LUZP2: variants seen among roughly 807,000 people sequenced by gnomAD.
LUZP2 encodes leucine zipper protein 2.
In LUZP2, 52 loss-of-function variants were observed where a neutral mutation model predicts 51.6. That is an observed-to-expected ratio of 1.01 (90% CI 0.81 to 1.27). The LOEUF (loss-of-function observed/expected upper bound fraction) is 1.27, where lower values mean the gene tolerates loss of function less well. LUZP2 is among the 50% of genes most tolerant of loss of function. LUZP2 has a pLI of 0.00. For missense variants in LUZP2, 436 were observed against 395.4 expected (o/e 1.10, Z -0.87); for synonymous variants, 154 against 137.3 (o/e 1.12, Z -0.85).
intron 5 of LUZP2, among the ~76,000 whole-genome samples, chr11:24,838,302 A>G (rs1850917146): frequency 6.6e-6 from 1 of 151,678 alleles, no homozygotes; most frequent in African/African-American, 2.4e-5. Flanking sequence ...AAATATTCAT[A>G]TACATTCTCT....
chr11:24,754,723 C>T (rs943515649), intron 4 of LUZP2, among the ~76,000 whole-genome samples: 1 of 152,116 alleles, frequency 6.6e-6, no homozygotes, highest in Admixed American at 6.5e-5. Flanking sequence ...TGGCTTTTAT[C>T]CACCCCACCA....
At chr11:24,926,187 A>ATGTGTATATATATATG (rs1854224625) in intron 7 of LUZP2, among the ~76,000 whole-genome samples, 1 of 149,488 alleles carries the variant, frequency 6.7e-6, no homozygotes, top group Non-Finnish European at 1.5e-5. Flanking sequence ...TGTTATATAT[A>ATGTGTATATATATATG]TGTGTATATA....
chr11:24,505,280 G>A (rs1305401158), intron 1 of LUZP2, among the ~76,000 whole-genome samples: 1 of 152,152 alleles, frequency 6.6e-6, no homozygotes, highest in Non-Finnish European at 1.5e-5. Context: ...GATAAATGGA[G>A]TCGGGGAGTT....
intron 1 of LUZP2, among the ~76,000 whole-genome samples, chr11:24,693,380 T>C (rs968528422): frequency 6.6e-6 from 1 of 151,612 alleles, no homozygotes; most frequent in African/African-American, 2.4e-5. Context: ...AATGATAGGA[T>C]AGAGTGTTTT....
chr11:24,615,947 T>C (rs1854269952), intron 1 of LUZP2, among the ~76,000 whole-genome samples: 1 of 151,744 alleles, frequency 6.6e-6, no homozygotes. Flanking sequence ...TTAACTGCCA[T>C]CTGTATATCT....
chr11:24,753,109 T>C (rs1202920473), intron 4 of LUZP2, among the ~76,000 whole-genome samples: 2 of 152,164 alleles, frequency 1.3e-5, no homozygotes, highest in East Asian at 1.9e-4. Context: ...TAAATAAGTA[T>C]ATACCTAACA....
At chr11:24,525,408 G>A (rs1305596928) in intron 1 of LUZP2, among the ~76,000 whole-genome samples, 1 of 151,296 alleles carries the variant, frequency 6.6e-6, no homozygotes, top group Non-Finnish European at 1.5e-5. Flanking sequence ...ATGTTTTTTT[G>A]CAGGCATGAC....
intron 5 of LUZP2, among the ~76,000 whole-genome samples, chr11:24,791,121 A>G (rs939061969): frequency 6.6e-6 from 1 of 152,204 alleles, no homozygotes; most frequent in Non-Finnish European, 1.5e-5. Flanking sequence ...TTATTGAGAC[A>G]AAACACTTCG....
intron 3 of LUZP2, among the ~76,000 whole-genome samples, chr11:24,735,931 A>G (rs1702644295): frequency 6.6e-6 from 1 of 152,000 alleles, no homozygotes. Context: ...TTTGAAGCAG[A>G]AATCTATAGC....
At chr11:24,837,000 T>C (rs1850878876) in intron 5 of LUZP2, among the ~76,000 whole-genome samples, 1 of 146,584 alleles carries the variant, frequency 6.8e-6, no homozygotes, top group South Asian at 2.1e-4. Flanking sequence ...CTTTAAAGTC[T>C]TTCAGTAGGT....
At chr11:24,841,479 A>G (rs1455289899) in intron 5 of LUZP2, among the ~76,000 whole-genome samples, 1 of 152,114 alleles carries the variant, frequency 6.6e-6, no homozygotes, top group East Asian at 1.9e-4. Context: ...TATGGTAGGT[A>G]AGAATTCAAA....
chr11:24,750,367 A>G (rs1389348136), intron 4 of LUZP2, among the ~76,000 whole-genome samples: 6 of 152,188 alleles, frequency 3.9e-5, no homozygotes, highest in Admixed American at 3.9e-4. Context: ...TTTGCATTAT[A>G]CTTGCCTCTT....
intron 1 of LUZP2, among the ~76,000 whole-genome samples, chr11:24,678,075 A>AG (rs71041788): frequency 0.11 from 7,655 of 69,182 alleles, 431 homozygotes; most frequent in East Asian, 0.18. Context: ...GAAAGGAGAA[A>AG]GGGGGGGGGG....
intron 1 of LUZP2, among the ~76,000 whole-genome samples, chr11:24,561,024 A>C (rs982730194): frequency 3.9e-5 from 6 of 152,196 alleles, no homozygotes; most frequent in African/African-American, 7.2e-5. Context: ...AAAGGAAAAA[A>C]TAAACTGCAC....
intron 9 of LUZP2, among the ~76,000 whole-genome samples, chr11:25,049,710 A>G (rs370522376): frequency 1.2e-4 from 18 of 152,102 alleles, no homozygotes; most frequent in African/African-American, 4.3e-4. Context: ...AGGACAGGAT[A>G]TATACTTTGT....
intron 1 of LUZP2, among the ~76,000 whole-genome samples, chr11:24,621,886 A>T (rs1854506589): frequency 6.6e-6 from 1 of 151,650 alleles, no homozygotes; most frequent in Non-Finnish European, 1.5e-5. Context: ...CTTATTTTTT[A>T]TAATTTCTCT....
At chr11:24,818,289 GA>G (rs1330392560) in intron 5 of LUZP2, among the ~76,000 whole-genome samples, 1 of 151,746 alleles carries the variant, frequency 6.6e-6, no homozygotes, top group African/African-American at 2.4e-5. Flanking sequence ...AGTTTAAATA[GA>G]AAAGTTTTCT....
chr11:24,712,581 G>A (rs1035863824), intron 1 of LUZP2, among the ~76,000 whole-genome samples: 2 of 152,108 alleles, frequency 1.3e-5, no homozygotes, highest in African/African-American at 2.4e-5. Context: ...GGTGATGTGG[G>A]GGATAAGAAA....
chr11:24,517,342 T>C (rs561349438), intron 1 of LUZP2, among the ~76,000 whole-genome samples: 57 of 151,512 alleles, frequency 3.8e-4, no homozygotes, highest in African/African-American at 9.2e-4. Context: ...AAAGATTAGC[T>C]GGGCGTGGTG....
Sources: gnomAD v4.1 joint callset for allele counts (sites outside exome capture counted in the v4.1 genomes callset) on GRCh38, gnomAD v4.1.1 for gene constraint, MANE v1.5 for transcripts, NCBI Gene and HGNC (gene_info 2026-07-23, HGNC 2026-07-21) for gene names.